IQCM: variants seen among roughly 807,000 people sequenced by gnomAD.
IQCM encodes IQ motif containing M.
IQCM carries 45 observed loss-of-function variants against 57.6 expected under a neutral mutation model. The observed-to-expected ratio is 0.78, with a 90% CI of 0.62 to 1.00. The LOEUF (loss-of-function observed/expected upper bound fraction) is 1.00, where lower values mean the gene tolerates loss of function less well. IQCM is among the 50% of genes least tolerant of loss of function. The probability of loss-of-function intolerance (pLI) is 0.00; values close to 1 mark genes in which losing one functional copy is unlikely to be tolerated. For missense variants in IQCM, 468 were observed against 511.6 expected (o/e 0.91, Z 0.82); for synonymous variants, 148 against 158.9 (o/e 0.93, Z 0.51).
intron 13 of IQCM, chr4:149,429,793 A>G: frequency 2.7e-6 from 1 of 376,088 alleles, no homozygotes; most frequent in East Asian, 3.7e-5. Context: ...AATGTTGCAA[A>G]TCTCTTGTCA....
intron 2 of IQCM, among the ~76,000 whole-genome samples, chr4:149,778,851 T>G (rs918078300): frequency 2.0e-5 from 3 of 152,146 alleles, no homozygotes; most frequent in Non-Finnish European, 4.4e-5. Context: ...AGCTGATAAT[T>G]TTAACACTCT....
intron 2 of IQCM, among the ~76,000 whole-genome samples, chr4:149,805,340 TA>T (rs1004900327): frequency 6.6e-6 from 1 of 152,028 alleles, no homozygotes. Context: ...ACATGTTAAA[TA>T]AAAAATGAGC....
chr4:149,644,949 A>G (rs900272762), intron 7 of IQCM, among the ~76,000 whole-genome samples: 1 of 152,288 alleles, frequency 6.6e-6, no homozygotes, highest in Admixed American at 6.5e-5. Flanking sequence ...ATCCTCACCT[A>G]CACTTTGCAC....
At chr4:149,577,659 G>C (rs1156549729) in intron 9 of IQCM, among the ~76,000 whole-genome samples, 3 of 56,854 alleles carry the variant, frequency 5.3e-5, no homozygotes, top group African/African-American at 1.3e-4. Flanking sequence ...GAAGTAGGTA[G>C]TGTGATGCCT....
chr4:149,772,931 T>C (rs1220835814), intron 2 of IQCM, among the ~76,000 whole-genome samples: 2 of 151,474 alleles, frequency 1.3e-5, no homozygotes, highest in African/African-American at 4.9e-5. Context: ...AAAAAACACT[T>C]GAAAGCCTGT....
At chr4:149,489,954 A>G (rs1050194262) in intron 12 of IQCM, among the ~76,000 whole-genome samples, 1 of 151,988 alleles carries the variant, frequency 6.6e-6, no homozygotes, top group Non-Finnish European at 1.5e-5. Flanking sequence ...TGTTTGGTTA[A>G]ATACAAACAT....
chr4:149,532,097 C>T (rs1252424616), intron 12 of IQCM, among the ~76,000 whole-genome samples: 2 of 151,918 alleles, frequency 1.3e-5, no homozygotes, highest in Non-Finnish European at 2.9e-5. Flanking sequence ...CATGCTTGGC[C>T]GGCTCTGCAA....
chr4:149,431,534 A>T (rs149030221), intron 13 of IQCM, among the ~76,000 whole-genome samples: 1 of 151,966 alleles, frequency 6.6e-6, no homozygotes, highest in African/African-American at 2.4e-5. Context: ...TTGGTGTACA[A>T]TTCTATGGGT....
chr4:149,728,396 C>T (rs565514167), intron 5 of IQCM, among the ~76,000 whole-genome samples: 2 of 152,280 alleles, frequency 1.3e-5, no homozygotes, highest in African/African-American at 2.4e-5. Context: ...CTAGCTAGAC[C>T]ACAGGTTCCA....
At chr4:149,744,184 G>A (rs559606045) in intron 2 of IQCM, among the ~76,000 whole-genome samples, 1 of 152,226 alleles carries the variant, frequency 6.6e-6, no homozygotes, top group East Asian at 1.9e-4. Flanking sequence ...TAGCAAATCT[G>A]GAACATCCAA....
chr4:149,542,027 T>C (rs932374944), intron 12 of IQCM, among the ~76,000 whole-genome samples: 9 of 152,028 alleles, frequency 5.9e-5, no homozygotes, highest in African/African-American at 2.2e-4. Flanking sequence ...CAGAAGCAAA[T>C]AGGAATCCAT....
rs181248763 is a variant in IQCM at position 149,718,383 on chromosome 4, A to G, written c.385+14861T>C. Among the ~76,000 whole-genome samples the G allele has an allele frequency of 9.8e-4, 150 of 152,328 alleles. 1 individual carries two copies. Among genetic ancestry groups the G allele is most frequent in the African/African-American group, 3.5e-3 (147 of 41,574 alleles). Reference sequence around the variant, plus strand: ...GCTAAACTGAAAGTTCCATGAGGGCACAGACCATGGTACACAGTATCTGGT... The same window carrying G: ...GCTAAACTGAAAGTTCCATGAGGGCGCAGACCATGGTACACAGTATCTGGT... On this transcript the variant is annotated intron_variant, in intron 5 of 13. Coordinates refer to ENST00000636793, the MANE Select transcript of IQCM (RefSeq NM_001363507.2).
chr4:149,797,660 G>T (rs1580325219), intron 2 of IQCM, among the ~76,000 whole-genome samples: 2 of 151,702 alleles, frequency 1.3e-5, no homozygotes, highest in Admixed American at 1.3e-4. Flanking sequence ...TAAGGATAAA[G>T]AAAGAACCCT....
intron 3 of IQCM, among the ~76,000 whole-genome samples, chr4:149,736,195 G>C (rs1355095195): frequency 6.6e-6 from 1 of 151,410 alleles, no homozygotes; most frequent in African/African-American, 2.4e-5. Flanking sequence ...CAATCTACCT[G>C]CCTTGGCCTC....
At chr4:149,755,761 C>A (rs1011170923) in intron 2 of IQCM, among the ~76,000 whole-genome samples, 4 of 152,172 alleles carry the variant, frequency 2.6e-5, no homozygotes, top group Non-Finnish European at 5.9e-5. Context: ...AGCTGGACTA[C>A]TTTTTCCAGG....
chr4:149,704,552 G>A (rs1764014835), intron 5 of IQCM, among the ~76,000 whole-genome samples: 1 of 151,738 alleles, frequency 6.6e-6, no homozygotes, highest in East Asian at 1.9e-4. Flanking sequence ...CCTAGATTAG[G>A]ATTAATTTCA....
intron 7 of IQCM, among the ~76,000 whole-genome samples, chr4:149,625,697 G>A (rs1756730763): frequency 6.6e-6 from 1 of 152,168 alleles, no homozygotes; most frequent in South Asian, 2.1e-4. Flanking sequence ...AAGTTCCCGG[G>A]TTTTATTGCT....
At chr4:149,437,770 A>G (rs942540827) in intron 12 of IQCM, among the ~76,000 whole-genome samples, 7 of 152,150 alleles carry the variant, frequency 4.6e-5, no homozygotes, top group African/African-American at 1.7e-4. Context: ...TAATAAAAAG[A>G]AAGAGCATCT....
chr4:149,729,433 A>G (rs1454758479), intron 5 of IQCM, among the ~76,000 whole-genome samples: 1 of 151,874 alleles, frequency 6.6e-6, no homozygotes, highest in Non-Finnish European at 1.5e-5. Flanking sequence ...CTGCCTGACA[A>G]TAACCACACT....
Sources: gnomAD v4.1 joint callset for allele counts (sites outside exome capture counted in the v4.1 genomes callset) on GRCh38, gnomAD v4.1.1 for gene constraint, MANE v1.5 for transcripts, NCBI Gene and HGNC (gene_info 2026-07-23, HGNC 2026-07-21) for gene names.